Variants in WRAP53 observed in about 807,000 individuals in gnomAD.
WRAP53 encodes the protein telomerase Cajal body protein 1.
A neutral mutation model predicts 56.6 loss-of-function variants in WRAP53; 28 were observed. The observed-to-expected ratio is 0.50, with a 90% confidence interval of 0.37 to 0.68. The LOEUF (loss-of-function observed/expected upper bound fraction) is 0.68. WRAP53 is among the 30% of genes least tolerant of loss of function. The pLI, the probability that WRAP53 is intolerant of heterozygous loss-of-function variation, is 0.00. For missense variants in WRAP53, 671 were observed against 715.5 expected (o/e 0.94, Z 0.71); for synonymous variants, 283 against 283.4 (o/e 1.00, Z 0.01).
chr17:7,699,522 T>TATATATATTTATATATATATATA (rs1567577715), intron 4 of WRAP53, among the ~76,000 whole-genome samples: 6 of 14,100 alleles, frequency 4.3e-4, no homozygotes, highest in Non-Finnish European at 4.6e-4. Context: ...ATATATATAT[T>TATATATATTTATATATATATATA]TATATATATA....
chr17:7,691,396 T>TG (rs1209684927), intron 4 of WRAP53, among the ~76,000 whole-genome samples: 1 of 149,640 alleles, frequency 6.7e-6, no homozygotes, highest in African/African-American at 2.5e-5. Context: ...AGAGGTGTTT[T>TG]TTTTTTTTTT....
At position 7,689,676 on chromosome 17, in the gene WRAP53, G is replaced by C. The variant is rs1327067364; in HGVS notation, c.617G>C (p.Gly206Ala). The C allele has an allele frequency of 9.9e-6, 16 of 1,614,108 alleles. No individual in the cohort carries two copies. Among genetic ancestry groups the C allele is most frequent in the Admixed American group, 1.7e-5 (1 of 60,012 alleles). Residue 206 changes from glycine to alanine, a missense_variant, in exon 4 of 11, where the codon GGG (glycine) becomes GCG (alanine). By Grantham distance (60) the Gly-to-Ala change is moderately conservative. This residue lies in a region of WRAP53 where 406 missense variants were observed against 418.5 expected (regional missense o/e 0.97). Transcript: ENST00000396463. ...CTGCCCCCAGAGCTGTACCATGAGG[G>C]GGAGCAGGTGGAATATGCAGAAATG... ...YNLPPELYHE[G>A]EQVEYAEMVP... is the part of the protein sequence containing the mutation.
At position 7,689,105 on chromosome 17, in the gene WRAP53, G is replaced by C. The variant is rs756915064; in HGVS notation, c.431+26G>C. 3 of 1,614,116 alleles carry C rather than the reference G, an allele frequency of 1.9e-6. No homozygotes were observed. The South Asian group carries it at 3.3e-5, about 18-fold the overall frequency. On this transcript the variant is annotated intron_variant, in intron 2 of 10. Transcript: ENST00000396463. ...GTAAGTGGTGATGGCAGTGGAGTGTGGAGTCTGGGGAGATGAAGTGTGAGG... is the reference window on the plus strand; with the variant it reads ...GTAAGTGGTGATGGCAGTGGAGTGTCGAGTCTGGGGAGATGAAGTGTGAGG...
chr17:7,688,862 C>T lies in WRAP53; in HGVS notation c.214C>T (p.Pro72Ser). 6.2e-7 allele frequency: 1 copy of T among 1,614,188 alleles called. No individual in the cohort carries two copies. The highest frequency in any genetic ancestry group is 8.5e-7 in the Non-Finnish European group (1 of 1,180,036). Reference protein sequence around the residue: ...AVSQELREGDPVSLSTPLETE... With the variant: ...AVSQELREGDSVSLSTPLETE... ...GTCCCAGGAGCTACGGGAGGGGGAC[C>T]CAGTTTCTCTCTCCACTCCCCTGGA... The change falls in exon 2 of 11, where the codon CCA becomes TCA. Residue 72 changes from proline (P) to serine (S), a missense_variant. By Grantham distance (74) the Pro-to-Ser change is moderately conservative (BLOSUM62 -1). Transcript: ENST00000396463.
chr17:7,687,656 G>C (rs184299271), upstream of WRAP53: 170 of 398,684 alleles, frequency 4.3e-4, 1 homozygote, highest in African/African-American at 3.2e-3. Flanking sequence ...GGGGAGGAGG[G>C]TGCAGAGTCA....
intron 4 of WRAP53, among the ~76,000 whole-genome samples, chr17:7,700,502 A>G (rs1373026494): frequency 6.6e-6 from 1 of 151,782 alleles, no homozygotes; most frequent in African/African-American, 2.4e-5. Context: ...AAAAACAAAA[A>G]CAAAATTAGC....
rs35901058 is a variant in WRAP53, at chr17:7,696,290, ATTTTTTTT to A, written c.643-4432_643-4425del. 9.1e-4 allele frequency among the ~76,000 whole-genome samples: 73 copies of A among 79,908 alleles called. 1 individual carries two copies. The highest frequency in any genetic ancestry group is 3.1e-3 in the Admixed American group (19 of 6,126). The allele number at this position is 79,908 out of a possible 152,430, so 52.4% of individuals were successfully genotyped here. A position where few individuals can be genotyped will look rare whatever the true frequency, so the allele number is the denominator to read the frequency against. On this transcript the variant is annotated intron_variant, in intron 4 of 10. Coordinates refer to ENST00000396463, the MANE Select transcript of WRAP53 (RefSeq NM_001143992.2). ...AGAGTCAAAATGGCGGGACTCAGAG[ATTTTTTTT>A]TTTTTTTTTTTTTTTTTTGAAATGG...
intron 4 of WRAP53, among the ~76,000 whole-genome samples, chr17:7,694,242 C>CTTTTTT (rs749740076): frequency 3.3e-4 from 40 of 122,618 alleles, no homozygotes; most frequent in Non-Finnish European, 5.4e-4. Context: ...TTTTTTCTTT[C>CTTTTTT]TTTTTTTTTT....
chr17:7,702,560 T>A lies in WRAP53; in HGVS notation c.1164+8T>A. ...TTCTCAGGAGCCCGCAAGGTAGGGG[T>A]CACACCCTGAGAGCCCAAAGCAGCT... On this transcript the variant is annotated splice_region_variant and intron_variant, in intron 8 of 10. Coordinates refer to ENST00000396463, the MANE Select transcript of WRAP53 (RefSeq NM_001143992.2). The surrounding 1 kb of genome is among the most constrained non-coding windows in gnomAD (Gnocchi z 5.0). The A allele has an allele frequency of 6.2e-7, 1 of 1,605,718 alleles. No individual in the cohort carries two copies. The highest frequency in any genetic ancestry group is 8.5e-7 in the Non-Finnish European group (1 of 1,179,026).
chr17:7,699,486 A>T lies in WRAP53; in HGVS notation c.643-1255A>T, dbSNP rs1336645276. ...TATATATATATATATTTATATATAT[A>T]TATATATATATATATTTATATATAT... On this transcript the variant is annotated intron_variant, in intron 4 of 10. Transcript: ENST00000396463. Among the ~76,000 whole-genome samples, 36 of 14,416 alleles carry T rather than the reference A, an allele frequency of 2.5e-3. 1 individual carries two copies. Among genetic ancestry groups the T allele is most frequent in the Non-Finnish European group, 3.0e-3 (25 of 8,362 alleles). 9.5% of individuals were successfully genotyped at this position (14,416 alleles called of 152,430 possible). A position where few individuals can be genotyped will look rare whatever the true frequency, so the allele number is the denominator to read the frequency against.
Position 7,691,514 on chromosome 17 carries a change from C to T in WRAP53, c.642+1813C>T, listed in dbSNP as rs562896719. On this transcript the variant is annotated intron_variant, in intron 4 of 10. Coordinates refer to ENST00000396463, the MANE Select transcript of WRAP53 (RefSeq NM_001143992.2). ...AAGCGATTCTCCTGCCTCAGCCTCCCGAGTAGCTGGGATTACAGGCACCCG... is the reference window on the plus strand; with the variant it reads ...AAGCGATTCTCCTGCCTCAGCCTCCTGAGTAGCTGGGATTACAGGCACCCG... 6.6e-5 allele frequency among the ~76,000 whole-genome samples: 10 copies of T among 151,288 alleles called. No individual in the cohort carries two copies. The East Asian group carries it at 1.6e-3, about 24-fold the overall frequency.
upstream of WRAP53, chr17:7,687,441 C>A: frequency 2.5e-6 from 1 of 398,702 alleles, no homozygotes; most frequent in Non-Finnish European, 4.4e-6. Flanking sequence ...AAAGTGTCCC[C>A]GGAGCCCAGC....
chr17:7,701,969 C>T lies in WRAP53; in HGVS notation c.955+180C>T, dbSNP rs1026013794. 79 of 976,504 alleles carry T rather than the reference C, an allele frequency of 8.1e-5. No homozygotes were observed. The highest frequency in any genetic ancestry group is 1.2e-4 in the Non-Finnish European group (77 of 636,648). The allele number at this position is 976,504 out of a possible 1,614,324, so 60.5% of individuals were successfully genotyped here. On this transcript the variant is annotated intron_variant, in intron 7 of 10. Coordinates refer to ENST00000396463, the MANE Select transcript of WRAP53 (RefSeq NM_001143992.2). This position sits in a 1 kb window ranked among gnomAD's most constrained non-coding sequence, Gnocchi z 4.2. Reference sequence around the variant, plus strand: ...GCTCAGAGCAGGTAGGAAACCTTCCCAAGGCCAACCAGCTGGTCAAAGGAC... The same window carrying T: ...GCTCAGAGCAGGTAGGAAACCTTCCTAAGGCCAACCAGCTGGTCAAAGGAC...
upstream of WRAP53, chr17:7,686,874 C>T (rs1164430527): frequency 6.5e-6 from 1 of 153,738 alleles, no homozygotes; most frequent in African/African-American, 2.4e-5. Flanking sequence ...GACAAAGGTC[C>T]GGAAGTTGTG....
chr17:7,688,287 C>T, upstream of WRAP53: 2 of 302,780 alleles, frequency 6.6e-6, no homozygotes, highest in Non-Finnish European at 1.3e-5. Context: ...CAGACTACAA[C>T]TCCCAGCAGC....
chr17:7,699,456 ATT>A (rs1218830554), intron 4 of WRAP53, among the ~76,000 whole-genome samples: 4,606 of 44,774 alleles, frequency 0.1, 757 homozygotes, highest in African/African-American at 0.33. Context: ...ATATATATAT[ATT>A]TATATATATA....
At chr17:7,694,202 C>T (rs1017181350) in intron 4 of WRAP53, among the ~76,000 whole-genome samples, 1 of 150,104 alleles carries the variant, frequency 6.7e-6, no homozygotes, top group African/African-American at 2.4e-5. Context: ...AAAAATATAT[C>T]TTGCAATACA....
chr17:7,700,756 A>G lies in WRAP53; in HGVS notation c.658A>G (p.Met220Val), dbSNP rs371865260. 13 of 1,612,470 alleles carry G rather than the reference A, an allele frequency of 8.1e-6. No homozygotes were observed. In the Middle Eastern group the frequency reaches 4.9e-4, roughly 61 times the overall value. The change falls in exon 5 of 11, where the codon ATG becomes GTG. Residue 220 changes from methionine to valine, a missense_variant. Physicochemically the swap from Met to Val is conservative, Grantham distance 21. Coordinates refer to ENST00000396463, the MANE Select transcript of WRAP53 (RefSeq NM_001143992.2). ...CTCTGTATAGGTCCCTGTCCTTCGAATGGTGGAAGGTGATACCATCTATGA... is the reference window on the plus strand; with the variant it reads ...CTCTGTATAGGTCCCTGTCCTTCGAGTGGTGGAAGGTGATACCATCTATGA... Reference protein sequence around the residue: ...EYAEMVPVLRMVEGDTIYDYC... With the variant: ...EYAEMVPVLRVVEGDTIYDYC...
rs760176562 is a variant in WRAP53 at position 7,701,577 on chromosome 17, A to C, written c.822+28A>C. On this transcript the variant is annotated intron_variant, in intron 6 of 10. Transcript: ENST00000396463. The surrounding 1 kb of genome is among the most constrained non-coding windows in gnomAD (Gnocchi z 4.2). ...AGGGACCGCCATACTCAGCCCCAGC[A>C]CTCGTACTGGCCCGGCTCTCCTTCC... 8.4e-5 allele frequency: 135 copies of C among 1,613,994 alleles called. No individual in the cohort carries two copies. The highest frequency in any genetic ancestry group is 1.1e-4 in the Non-Finnish European group (125 of 1,180,028).
Sources: allele counts gnomAD v4.1 joint callset (sites outside exome capture counted in the v4.1 genomes callset), GRCh38; gene constraint gnomAD v4.1.1; regional missense constraint gnomAD v4.1.1; non-coding constraint Gnocchi (gnomAD v3.1); transcripts MANE v1.5; gene names NCBI Gene and HGNC (gene_info 2026-07-23, HGNC 2026-07-21).